Variants in ATP10B observed in about 807,000 individuals in gnomAD.
ATP10B encodes the protein phospholipid-transporting ATPase VB.
In ATP10B, 122 loss-of-function variants were observed where a neutral mutation model predicts 141.2. The observed-to-expected ratio is 0.86, with a 90% confidence interval of 0.75 to 1.00. The LOEUF (loss-of-function observed/expected upper bound fraction) is 1.00, where lower values mean the gene tolerates loss of function less well. ATP10B is among the 50% of genes least tolerant of loss of function. ATP10B has a pLI of 0.00. For synonymous variants in ATP10B, 685 were observed against 692.0 expected, an observed-to-expected ratio of 0.99 and a Z score of 0.16; for missense variants, 1,876 against 1,825.3, an observed-to-expected ratio of 1.03 and a Z score of -0.51.
At chr5:160,590,981 A>T in intron 23 of ATP10B, 78 bp downstream of exon 23, 1 of 1,227,422 alleles carries the variant, frequency 8.1e-7, no homozygotes, top group Non-Finnish European at 1.2e-6. Flanking sequence ...GAAGGACACT[A>T]CTGGTCTGGA....
At chr5:160,693,304 A>G (rs1764177230) in intron 3 of ATP10B, among the ~76,000 whole-genome samples, 1 of 152,016 alleles carries the variant, frequency 6.6e-6, no homozygotes, top group East Asian at 1.9e-4. Context: ...CCTGATTTTG[A>G]TAATTATATT....
At chr5:160,809,665 TTC>T (rs1371694609) in intron 1 of ATP10B, among the ~76,000 whole-genome samples, 4 of 152,184 alleles carry the variant, frequency 2.6e-5, no homozygotes, top group African/African-American at 9.7e-5. Flanking sequence ...AATTTAGTTT[TTC>T]TCTCTTACTG....
At chr5:160,627,333 C>G (rs1367498681) in intron 13 of ATP10B, among the ~76,000 whole-genome samples, 1 of 152,174 alleles carries the variant, frequency 6.6e-6, no homozygotes, top group Non-Finnish European at 1.5e-5. Context: ...CTTCATTGAG[C>G]TGTAAAATCC....
At chr5:160,831,664 C>T (rs372792655) in intron 1 of ATP10B, among the ~76,000 whole-genome samples, 1 of 151,994 alleles carries the variant, frequency 6.6e-6, no homozygotes, top group Admixed American at 6.6e-5. Flanking sequence ...AAGCAAAAAG[C>T]CCTTCTGGAA....
At chr5:160,818,031 A>G (rs1398287276) in intron 1 of ATP10B, among the ~76,000 whole-genome samples, 1 of 152,242 alleles carries the variant, frequency 6.6e-6, no homozygotes, top group African/African-American at 2.4e-5. Flanking sequence ...TGTTAGACTT[A>G]AAACCATAAA....
chr5:160,902,381 C>T, the ATP10B span, among the ~76,000 whole-genome samples: 1 of 152,216 alleles, frequency 6.6e-6, no homozygotes, highest in South Asian at 2.1e-4. Context: ...GCTATATGAC[C>T]TTAAAGAAAC....
At chr5:160,648,078 T>G (rs1760421961) in intron 8 of ATP10B, among the ~76,000 whole-genome samples, 1 of 152,208 alleles carries the variant, frequency 6.6e-6, no homozygotes, top group African/African-American at 2.4e-5. Context: ...GTCCTGGCTT[T>G]GTCTTGTTCC....
chr5:160,877,849 G>A, the ATP10B span, among the ~76,000 whole-genome samples: 96,129 of 131,054 alleles, frequency 0.73, 37,144 homozygotes, highest in East Asian at 0.97. Context: ...GACCTCTTCA[G>A]TAACTACAAA....
Position 160,620,914 on chromosome 5 carries a change from A to T in ATP10B, c.1849T>A (p.Ser617Thr), listed in dbSNP as rs779876318. The T allele has an allele frequency of 1.2e-6, 2 of 1,614,016 alleles. No homozygotes were observed. The highest frequency in any genetic ancestry group is 1.7e-6 in the Non-Finnish European group (2 of 1,180,014). ...AAGAGCTGCTGAATCTTCTCCAGGG[A>T]CGTCCCCAGAGCCTTGCTTGAGGGT... The part of the protein sequence containing the change: ...IKPSSKALGT[S>T]LEKIQQLFQK... Residue 617 changes from serine (S) to threonine (T), a missense_variant, in exon 15 of 26, where the codon TCC (serine) becomes ACC (threonine). Physicochemically the swap from Ser to Thr is moderately conservative, Grantham distance 58. Coordinates refer to ENST00000327245, the MANE Select transcript of ATP10B (RefSeq NM_025153.3).
chr5:160,901,292 C>T, the ATP10B span, among the ~76,000 whole-genome samples: 6 of 152,252 alleles, frequency 3.9e-5, no homozygotes, highest in South Asian at 2.1e-4. Context: ...ATTGTTTGCT[C>T]TTGATACAGT....
intron 11 of ATP10B, among the ~76,000 whole-genome samples, chr5:160,635,527 G>A (rs1759301281): frequency 6.6e-6 from 1 of 152,144 alleles, no homozygotes; most frequent in African/African-American, 2.4e-5. Flanking sequence ...TCTGCAAGAT[G>A]AATGGAAAAT....
At chr5:160,663,940 G>GT (rs892822305) in intron 7 of ATP10B, among the ~76,000 whole-genome samples, 5 of 152,136 alleles carry the variant, frequency 3.3e-5, no homozygotes, top group South Asian at 2.1e-4. Context: ...ATTTTACAGG[G>GT]TTTTTTTGAG....
chr5:160,806,527 C>A (rs4559039), intron 1 of ATP10B, among the ~76,000 whole-genome samples: 3,590 of 152,246 alleles, frequency 0.024, 52 homozygotes, highest in Non-Finnish European at 0.04. Context: ...TTCTTTTTAC[C>A]GCTGTTTGTC....
chr5:160,790,153 G>C (rs1771464635), intron 1 of ATP10B, among the ~76,000 whole-genome samples: 1 of 151,994 alleles, frequency 6.6e-6, no homozygotes, highest in Non-Finnish European at 1.5e-5. Context: ...AATTTGGATG[G>C]TACCCTGTCA....
chr5:160,584,244 T>G (rs530375134), intron 24 of ATP10B, among the ~76,000 whole-genome samples: 6 of 152,258 alleles, frequency 3.9e-5, no homozygotes, highest in Non-Finnish European at 7.4e-5. Flanking sequence ...CAGAGTAGAC[T>G]GTTCCTCATG....
At chr5:160,674,480 T>C (rs1411388096) in intron 6 of ATP10B, among the ~76,000 whole-genome samples, 26 of 152,234 alleles carry the variant, frequency 1.7e-4, no homozygotes, top group Admixed American at 1.7e-3. Context: ...TAAGTCAGAC[T>C]AGTCTCTCTC....
At chr5:160,821,453 A>C (rs2127962304) in intron 1 of ATP10B, among the ~76,000 whole-genome samples, 1 of 152,256 alleles carries the variant, frequency 6.6e-6, no homozygotes, top group South Asian at 2.1e-4. Context: ...GGCAATCTAC[A>C]CATTCAGTGG....
At chr5:160,589,387 C>T (rs1381705079) in intron 24 of ATP10B, among the ~76,000 whole-genome samples, 1 of 152,220 alleles carries the variant, frequency 6.6e-6, no homozygotes, top group Non-Finnish European at 1.5e-5. Flanking sequence ...TTAGTTTTAA[C>T]ATCCTGGCTA....
At chr5:160,793,455 AACTATC>A (rs1771732208) in intron 1 of ATP10B, among the ~76,000 whole-genome samples, 1 of 152,224 alleles carries the variant, frequency 6.6e-6, no homozygotes, top group South Asian at 2.1e-4. Context: ...AACAGAATTT[AACTATC>A]CATTATGAAG....
Sources: gnomAD v4.1 joint callset for allele counts (sites outside exome capture counted in the v4.1 genomes callset) on GRCh38, gnomAD v4.1.1 for gene constraint, MANE v1.5 for transcripts, NCBI Gene and HGNC (gene_info 2026-07-23, HGNC 2026-07-21) for gene names.